Variants in SLC2A13 observed in about 807,000 individuals in gnomAD.
The protein encoded by SLC2A13 is solute carrier family 2 member 13.
Under a neutral mutation model 64.4 loss-of-function variants are expected in SLC2A13, and 32 were observed. The ratio of observed to expected loss-of-function variants is 0.50; its 90% CI spans 0.37 to 0.67. The LOEUF (loss-of-function observed/expected upper bound fraction) is 0.67. Ranked by LOEUF, SLC2A13 falls within the 30% of genes least tolerant of loss-of-function variation. The pLI is 0.00. For synonymous variants in SLC2A13, 338 were observed against 327.1 expected (o/e 1.03, Z -0.36); for missense variants, 743 against 829.2 (o/e 0.90, Z 1.28).
intron 7 of SLC2A13, among the ~76,000 whole-genome samples, chr12:39,780,745 G>A (rs986589712): frequency 6.6e-6 from 1 of 152,126 alleles, no homozygotes; most frequent in African/African-American, 2.4e-5. Flanking sequence ...CAATAAGATG[G>A]CAGTGTTAGG....
At chr12:39,922,009 C>T (rs919252296) in intron 4 of SLC2A13, among the ~76,000 whole-genome samples, 34 of 151,252 alleles carry the variant, frequency 2.2e-4, no homozygotes, top group Admixed American at 2.0e-3. Flanking sequence ...ATGTGATGTA[C>T]CTACATTTGT....
intron 3 of SLC2A13, among the ~76,000 whole-genome samples, chr12:39,953,518 A>C (rs138703309): frequency 6.6e-6 from 1 of 152,314 alleles, no homozygotes; most frequent in East Asian, 1.9e-4. Flanking sequence ...ATGAGGCAGA[A>C]GAAAAAAATC....
At chr12:39,839,047 G>C (rs908691232) in intron 6 of SLC2A13, among the ~76,000 whole-genome samples, 2 of 152,032 alleles carry the variant, frequency 1.3e-5, no homozygotes, top group African/African-American at 4.8e-5. Context: ...CTTTATGCAT[G>C]AATTGACACC....
chr12:39,773,384 C>G (rs1940656196), intron 7 of SLC2A13, among the ~76,000 whole-genome samples: 2 of 152,162 alleles, frequency 1.3e-5, no homozygotes, highest in African/African-American at 4.8e-5. Context: ...GTTCCCTGTT[C>G]CAATCATGGA....
chr12:39,869,189 G>A (rs1042724415), intron 5 of SLC2A13, among the ~76,000 whole-genome samples: 3 of 152,180 alleles, frequency 2.0e-5, no homozygotes, highest in Non-Finnish European at 4.4e-5. Flanking sequence ...ATCAGTATAG[G>A]AATGTGAAAG....
At chr12:39,811,026 G>A (rs1044364318) in intron 7 of SLC2A13, among the ~76,000 whole-genome samples, 5 of 152,014 alleles carry the variant, frequency 3.3e-5, no homozygotes, top group Non-Finnish European at 5.9e-5. Flanking sequence ...TAAATATCTG[G>A]TTTAATTCAC....
At position 40,105,312 on chromosome 12, in the gene SLC2A13, G is replaced by C. The variant is rs771878289; in HGVS notation, c.497C>G (p.Ala166Gly). The C allele has an allele frequency of 2.5e-6, 4 of 1,601,600 alleles. No individual in the cohort carries two copies. The highest frequency in any genetic ancestry group is 2.6e-6 in the Non-Finnish European group (3 of 1,175,806). The part of the protein sequence containing the change: ...ALFTAGSAVL[A>G]AANNKETLLA... ...CAGTGTCTCCTTGTTGTTGGCCGCA[G>C]CCAGCACCGCGGAGCCGGCGGTGAA... The change falls in exon 1 of 10, where the codon GCT becomes GGT. Residue 166 changes from alanine to glycine, a missense_variant. This residue lies in a region of SLC2A13 where 448 missense variants were observed against 447.4 expected (regional missense o/e 1.00). Coordinates refer to ENST00000280871, the MANE Select transcript of SLC2A13 (RefSeq NM_052885.4). The surrounding 1 kb of genome is among the most constrained non-coding windows in gnomAD (Gnocchi z 4.2).
At chr12:39,898,859 C>T (rs1945000050) in intron 4 of SLC2A13, among the ~76,000 whole-genome samples, 1 of 152,066 alleles carries the variant, frequency 6.6e-6, no homozygotes, top group Non-Finnish European at 1.5e-5. Context: ...GGATATTTAG[C>T]ATGTTCTTCA....
At chr12:39,768,050 G>T (rs903133795) in intron 7 of SLC2A13, among the ~76,000 whole-genome samples, 1 of 152,096 alleles carries the variant, frequency 6.6e-6, no homozygotes, top group Admixed American at 6.6e-5. Context: ...TTAGGTAGAT[G>T]TTCTGGATAA....
chr12:40,080,726 A>T (rs1204640042), intron 1 of SLC2A13, among the ~76,000 whole-genome samples: 1 of 152,194 alleles, frequency 6.6e-6, no homozygotes, highest in African/African-American at 2.4e-5. Context: ...ATTGATGTTA[A>T]GATTTGATCC....
At chr12:39,808,523 C>T (rs1942048206) in intron 7 of SLC2A13, among the ~76,000 whole-genome samples, 1 of 152,096 alleles carries the variant, frequency 6.6e-6, no homozygotes, top group Non-Finnish European at 1.5e-5. Flanking sequence ...AACCTCCAAA[C>T]TGATTTCTGA....
At chr12:40,058,695 T>C (rs1948371718) in intron 1 of SLC2A13, among the ~76,000 whole-genome samples, 1 of 152,206 alleles carries the variant, frequency 6.6e-6, no homozygotes, top group Non-Finnish European at 1.5e-5. Context: ...AGGCACTAAT[T>C]ATGGTGAAAC....
At chr12:39,796,016 C>G (rs1048493448) in intron 7 of SLC2A13, among the ~76,000 whole-genome samples, 1 of 152,136 alleles carries the variant, frequency 6.6e-6, no homozygotes, top group African/African-American at 2.4e-5. Flanking sequence ...AGAAACCCCA[C>G]AGCCATTAGC....
intron 7 of SLC2A13, among the ~76,000 whole-genome samples, chr12:39,767,266 G>A (rs1940390076): frequency 6.6e-6 from 1 of 151,212 alleles, no homozygotes; most frequent in South Asian, 2.1e-4. Context: ...AGTGACCAGT[G>A]TCATTGTCAA....
intron 3 of SLC2A13, among the ~76,000 whole-genome samples, chr12:39,968,181 G>A (rs1324505778): frequency 6.6e-6 from 1 of 152,144 alleles, no homozygotes; most frequent in Non-Finnish European, 1.5e-5. Context: ...TTACAATCAT[G>A]GCAGAAGGGA....
At chr12:40,073,267 C>T (rs1374717089) in intron 1 of SLC2A13, among the ~76,000 whole-genome samples, 1 of 152,004 alleles carries the variant, frequency 6.6e-6, no homozygotes, top group Non-Finnish European at 1.5e-5. Flanking sequence ...GAAAGAGTCT[C>T]TGAGCTTGAG....
At chr12:40,089,958 T>C (rs1191410405) in intron 1 of SLC2A13, among the ~76,000 whole-genome samples, 4 of 152,158 alleles carry the variant, frequency 2.6e-5, no homozygotes, top group African/African-American at 9.7e-5. Context: ...GGCCCACTTT[T>C]CAACACTGAC....
chr12:40,094,591 T>C (rs962768031), intron 1 of SLC2A13, among the ~76,000 whole-genome samples: 1 of 151,962 alleles, frequency 6.6e-6, no homozygotes, highest in Non-Finnish European at 1.5e-5. Context: ...GAGGGCACAG[T>C]AAAGTTGACA....
At chr12:39,978,197 C>T (rs2036455267) in intron 3 of SLC2A13, among the ~76,000 whole-genome samples, 1 of 152,156 alleles carries the variant, frequency 6.6e-6, no homozygotes, top group Non-Finnish European at 1.5e-5. Context: ...TTCTGAGCAA[C>T]AAATGGCAGC....
Sources: allele counts gnomAD v4.1 joint callset (sites outside exome capture counted in the v4.1 genomes callset), GRCh38; gene constraint gnomAD v4.1.1; regional missense constraint gnomAD v4.1.1; non-coding constraint Gnocchi (gnomAD v3.1); transcripts MANE v1.5; gene names NCBI Gene and HGNC (gene_info 2026-07-23, HGNC 2026-07-21).